The following LCMT1 variants were observed in gnomAD, a reference collection of about 807,000 sequenced individuals.
LCMT1 encodes [Phosphatase 2A protein]-leucine-carboxy methyltransferase 1.
LCMT1 carries 32 observed loss-of-function variants against 47.7 expected under a neutral mutation model. The observed-to-expected ratio is 0.67, with a 90% CI of 0.51 to 0.90. LCMT1 has a LOEUF of 0.90. LCMT1 is among the 40% of genes least tolerant of loss of function. The pLI is 0.00. For synonymous variants in LCMT1, 152 were observed against 149.7 expected (o/e 1.02, Z -0.11); for missense variants, 375 against 415.2 (o/e 0.90, Z 0.84).
intron 9 of LCMT1, among the ~76,000 whole-genome samples, chr16:25,171,415 A>C (rs1252029445): frequency 1.3e-5 from 2 of 152,080 alleles, no homozygotes; most frequent in Admixed American, 6.6e-5. Flanking sequence ...GCTTCTCAAA[A>C]AAACAAACAA....
chr16:25,151,248 G>T (rs1226393168), intron 4 of LCMT1, among the ~76,000 whole-genome samples: 3 of 152,144 alleles, frequency 2.0e-5, no homozygotes, highest in Non-Finnish European at 4.4e-5. Context: ...ATTCTTGTTA[G>T]GTTATCTTTA....
chr16:25,119,649 T>C (rs1337940200), intron 1 of LCMT1, among the ~76,000 whole-genome samples: 1 of 152,104 alleles, frequency 6.6e-6, no homozygotes, highest in Non-Finnish European at 1.5e-5. Context: ...TTCTCCCCTT[T>C]AGCAGGTCAC....
chr16:25,166,038 G>A (rs1430433666), intron 7 of LCMT1, among the ~76,000 whole-genome samples: 2 of 151,808 alleles, frequency 1.3e-5, no homozygotes, highest in Non-Finnish European at 2.9e-5. Flanking sequence ...GGAGGCCAAG[G>A]AGGGCAGATC....
At chr16:25,163,501 T>G (rs1961494850) in intron 6 of LCMT1, among the ~76,000 whole-genome samples, 1 of 151,658 alleles carries the variant, frequency 6.6e-6, no homozygotes, top group Non-Finnish European at 1.5e-5. Flanking sequence ...CTAATATATA[T>G]GTGTATATGT....
At chr16:25,142,582 G>A (rs1383397145) in intron 4 of LCMT1, 1 of 152,164 alleles carries the variant, frequency 6.6e-6, no homozygotes, top group Non-Finnish European at 1.5e-5. Flanking sequence ...ATGCCGGAAA[G>A]GTTGTCAAGA....
At chr16:25,168,835 G>A (rs1961663380) in intron 7 of LCMT1, among the ~76,000 whole-genome samples, 1 of 152,130 alleles carries the variant, frequency 6.6e-6, no homozygotes, top group Non-Finnish European at 1.5e-5. Context: ...CATACATGTG[G>A]GAGTGTGTCT....
Position 25,140,255 on chromosome 16 carries a change from T to C in LCMT1, c.404+8T>C. 6.3e-7 allele frequency: 1 copy of C among 1,584,234 alleles called. No homozygotes were observed. The highest frequency in any genetic ancestry group is 8.6e-7 in the Non-Finnish European group (1 of 1,162,028). ...AAAGCTGCACAGTATCAAGTAAGTG[T>C]GGCATGGCCAGAAGAACAAAAGCCA... is the stretch of plus-strand genomic sequence containing the variant. On this transcript the variant is annotated splice_region_variant and intron_variant, in intron 4 of 10. Transcript: ENST00000399069.
intron 1 of LCMT1, among the ~76,000 whole-genome samples, chr16:25,127,995 G>A (rs1960237002): frequency 6.6e-6 from 1 of 152,228 alleles, no homozygotes; most frequent in African/African-American, 2.4e-5. Flanking sequence ...TCCCTAAGAA[G>A]AGTGAAATGA....
At chr16:25,127,117 A>C (rs750956885) in intron 1 of LCMT1, among the ~76,000 whole-genome samples, 1 of 152,206 alleles carries the variant, frequency 6.6e-6, no homozygotes, top group Non-Finnish European at 1.5e-5. Flanking sequence ...TAATCTCAGC[A>C]CCTTGGGAAG....
At chr16:25,120,033 G>A (rs1450000112) in intron 1 of LCMT1, among the ~76,000 whole-genome samples, 3 of 151,534 alleles carry the variant, frequency 2.0e-5, no homozygotes, top group Non-Finnish European at 1.5e-5. Flanking sequence ...GACTGCGGGC[G>A]CCTGTAATCC....
chr16:25,154,573 G>A (rs540554281), intron 5 of LCMT1, among the ~76,000 whole-genome samples: 5 of 143,162 alleles, frequency 3.5e-5, no homozygotes, highest in South Asian at 4.5e-4. Flanking sequence ...TGCAAGCTCC[G>A]CCTCCTGGGT....
At position 25,161,654 on chromosome 16, in the gene LCMT1, T is replaced by G. The variant is rs1003702107; in HGVS notation, c.569+450T>G. Among the ~76,000 whole-genome samples, 11 of 152,200 alleles carry G rather than the reference T, an allele frequency of 7.2e-5. 1 individual carries two copies. Among genetic ancestry groups the G allele is most frequent in the African/African-American group, 2.7e-4 (11 of 41,446 alleles). ...TTTTCTGAAATTTTTAAAGCAATACTGTTCAAGTCTGTTTCTACATCAGAA... is the reference window on the plus strand; with the variant it reads ...TTTTCTGAAATTTTTAAAGCAATACGGTTCAAGTCTGTTTCTACATCAGAA... On this transcript the variant is annotated intron_variant, in intron 6 of 10. Coordinates refer to ENST00000399069, the MANE Select transcript of LCMT1 (RefSeq NM_016309.3).
At chr16:25,128,425 C>T in intron 1 of LCMT1, 50 bp from the exon 2 acceptor site, 1 of 1,396,880 alleles carries the variant, frequency 7.2e-7, no homozygotes, top group Non-Finnish European at 9.9e-7. Context: ...GGACCTTGGT[C>T]TGAACCTACT....
At chr16:25,165,366 TC>T (rs1961556381) in intron 7 of LCMT1, among the ~76,000 whole-genome samples, 1 of 152,214 alleles carries the variant, frequency 6.6e-6, no homozygotes, top group Admixed American at 6.5e-5. Context: ...TTGGGTTGAA[TC>T]CTGGCCCTGG....
chr16:25,129,997 C>G (rs1323566254), intron 2 of LCMT1, among the ~76,000 whole-genome samples: 5 of 152,212 alleles, frequency 3.3e-5, no homozygotes, highest in Non-Finnish European at 5.9e-5. Flanking sequence ...AGGGAGGGCT[C>G]AGAGGTGCTG....
chr16:25,125,458 C>T lies in LCMT1; in HGVS notation c.114-3017C>T, dbSNP rs149786070. Reference sequence around the variant, plus strand: ...TTATACTTGTCATCGCAGTGCCTTGCAGTGTGATTGTGCCAGTTTAAGGTT... The same window carrying T: ...TTATACTTGTCATCGCAGTGCCTTGTAGTGTGATTGTGCCAGTTTAAGGTT... On this transcript the variant is annotated intron_variant, in intron 1 of 10. Coordinates refer to ENST00000399069, the MANE Select transcript of LCMT1 (RefSeq NM_016309.3). 1.2e-3 allele frequency among the ~76,000 whole-genome samples: 179 copies of T among 152,300 alleles called. 1 individual carries two copies. Among genetic ancestry groups the T allele is most frequent in the African/African-American group, 4.2e-3 (175 of 41,570 alleles).
At chr16:25,168,552 G>T (rs1398231201) in intron 7 of LCMT1, among the ~76,000 whole-genome samples, 2 of 152,232 alleles carry the variant, frequency 1.3e-5, no homozygotes, top group South Asian at 2.1e-4. Flanking sequence ...CCAGACTTTG[G>T]TCCTCTAATC....
intron 8 of LCMT1, chr16:25,169,609 C>T (rs896699003): frequency 4.1e-5 from 7 of 171,692 alleles, no homozygotes; most frequent in African/African-American, 1.6e-4. Flanking sequence ...TGATTTCACC[C>T]CTAAATACAC....
intron 10 of LCMT1, among the ~76,000 whole-genome samples, 169 bp downstream of exon 10, chr16:25,175,203 A>G (rs571769241): frequency 6.6e-5 from 10 of 152,158 alleles, no homozygotes; most frequent in Admixed American, 2.6e-4. Context: ...GTGCAGTGGC[A>G]CGGTCATAGC....
Sources: allele counts gnomAD v4.1 joint callset (sites outside exome capture counted in the v4.1 genomes callset), GRCh38; gene constraint gnomAD v4.1.1; transcripts MANE v1.5; gene names NCBI Gene and HGNC (gene_info 2026-07-23, HGNC 2026-07-21).